The following EYS variants were observed in gnomAD, a reference collection of about 807,000 sequenced individuals.
The protein encoded by EYS is protein eyes shut homolog.
Under a neutral mutation model 282.1 loss-of-function variants are expected in EYS, and 250 were observed. The ratio of observed to expected loss-of-function variants is 0.89; its 90% CI spans 0.80 to 0.98. EYS has a LOEUF of 0.98. EYS is among the 50% of genes least tolerant of loss of function. EYS has a pLI of 0.00. For synonymous variants in EYS, 1,355 were observed against 1,282.9 expected (o/e 1.06, Z -1.20); for missense variants, 4,016 against 3,709.0 (o/e 1.08, Z -2.15).
intron 28 of EYS, among the ~76,000 whole-genome samples, chr6:64,392,569 T>A (rs1347369401): frequency 2.0e-5 from 3 of 151,830 alleles, no homozygotes; most frequent in Non-Finnish European, 4.4e-5. Context: ...AAGATGTTCT[T>A]TGAAACCAAT....
At chr6:64,393,897 C>G (rs926101801) in intron 28 of EYS, among the ~76,000 whole-genome samples, 2 of 151,854 alleles carry the variant, frequency 1.3e-5, no homozygotes, top group South Asian at 2.1e-4. Context: ...TGTCTCAGCC[C>G]AAAATCTCCT....
rs534750982 is a variant in EYS, at chr6:63,865,038, G to A, written c.7056-680C>T. 2.1e-3 allele frequency among the ~76,000 whole-genome samples: 316 copies of A among 152,242 alleles called. 2 individuals are homozygous for A. The highest frequency in any genetic ancestry group is 7.0e-3 in the African/African-American group (291 of 41,550). The stretch of plus-strand genomic sequence containing the variant: ...CCCATTTAAAGTAACAGATGCCTTC[G>A]TTTTCCTTTCCAAGACCCACCCCTC... On this transcript the variant is annotated intron_variant, in intron 35 of 42. Transcript: ENST00000503581.
chr6:64,569,768 CA>C (rs552655432), intron 26 of EYS, among the ~76,000 whole-genome samples: 8 of 151,874 alleles, frequency 5.3e-5, no homozygotes, highest in Non-Finnish European at 1.0e-4. Flanking sequence ...AAGGAACAGA[CA>C]AAGCCTCCAA....
At chr6:65,354,686 G>A (rs190198590) in intron 8 of EYS, among the ~76,000 whole-genome samples, 4 of 152,064 alleles carry the variant, frequency 2.6e-5, no homozygotes, top group African/African-American at 9.6e-5. Context: ...GTGCAGTGGC[G>A]TGCGCCTGTA....
intron 13 of EYS, among the ~76,000 whole-genome samples, chr6:65,004,198 G>A (rs1771561663): frequency 6.8e-6 from 1 of 147,294 alleles, no homozygotes; most frequent in Admixed American, 6.8e-5. Context: ...AAATAAAATT[G>A]CAAAGGTTAA....
intron 22 of EYS, 47 bp downstream of exon 22, chr6:64,813,331 C>G: frequency 7.0e-7 from 1 of 1,430,008 alleles, no homozygotes; most frequent in Non-Finnish European, 9.4e-7. Context: ...TGTTTATAAG[C>G]TCTCCTAAAT....
chr6:64,628,013 G>C (rs1023724166), intron 22 of EYS, among the ~76,000 whole-genome samples: 3 of 152,334 alleles, frequency 2.0e-5, no homozygotes, highest in Admixed American at 6.5e-5. Context: ...CAGGGAGGCG[G>C]AGCTTGCAGT....
chr6:64,503,512 G>A (rs1777118492), intron 26 of EYS, among the ~76,000 whole-genome samples: 1 of 152,160 alleles, frequency 6.6e-6, no homozygotes, highest in African/African-American at 2.4e-5. Flanking sequence ...TAATTTCTCA[G>A]GAAGGGTTTC....
intron 19 of EYS, among the ~76,000 whole-genome samples, chr6:64,840,563 T>A (rs994996367): frequency 6.6e-6 from 1 of 152,138 alleles, no homozygotes; most frequent in South Asian, 2.1e-4. Flanking sequence ...ACTTCGAAAC[T>A]AATGGATAGC....
At chr6:65,663,866 CTT>C (rs66999581) in intron 1 of EYS, among the ~76,000 whole-genome samples, 2,456 of 75,738 alleles carry the variant, frequency 0.032, 27 homozygotes, top group East Asian at 0.073. Context: ...TTTTTCTTTT[CTT>C]TTTTTTTTTT....
intron 30 of EYS, among the ~76,000 whole-genome samples, chr6:64,282,359 C>A (rs576368208): frequency 2.0e-5 from 3 of 152,170 alleles, no homozygotes; most frequent in Non-Finnish European, 4.4e-5. Flanking sequence ...CAACCTTTTG[C>A]GTATTCTTAC....
chr6:64,335,456 G>A (rs1177853620), intron 29 of EYS, among the ~76,000 whole-genome samples: 1 of 152,074 alleles, frequency 6.6e-6, no homozygotes, highest in Non-Finnish European at 1.5e-5. Context: ...CTCTCAAGAT[G>A]TAAAGAAATG....
intron 31 of EYS, among the ~76,000 whole-genome samples, chr6:64,089,427 G>A (rs552077729): frequency 6.7e-6 from 1 of 149,046 alleles, no homozygotes; most frequent in South Asian, 2.1e-4. Flanking sequence ...AATTTTCAGT[G>A]ATTACAATTA....
At chr6:65,406,795 T>C (rs1766763118) in intron 5 of EYS, among the ~76,000 whole-genome samples, 2 of 152,168 alleles carry the variant, frequency 1.3e-5, no homozygotes, top group African/African-American at 2.4e-5. Context: ...GCATATCTAT[T>C]TTTTTCCTGA....
chr6:64,185,294 A>G (rs1272116303), intron 31 of EYS, among the ~76,000 whole-genome samples: 4 of 152,192 alleles, frequency 2.6e-5, no homozygotes, highest in Middle Eastern at 3.2e-3. Flanking sequence ...TTCACTTCTA[A>G]CCCACAGTCA....
intron 22 of EYS, among the ~76,000 whole-genome samples, chr6:64,704,435 TATA>T (rs1770903325): frequency 7.4e-6 from 1 of 135,900 alleles, no homozygotes; most frequent in Admixed American, 7.7e-5. Context: ...ATTTCTATAA[TATA>T]ATCTATATTA....
chr6:63,829,673 G>A (rs1352055765), intron 36 of EYS, among the ~76,000 whole-genome samples: 1 of 152,200 alleles, frequency 6.6e-6, no homozygotes, highest in African/African-American at 2.4e-5. Context: ...AGAAACTTCT[G>A]CAGACTTAAA....
intron 22 of EYS, among the ~76,000 whole-genome samples, chr6:64,746,097 A>T (rs2149965151): frequency 6.6e-6 from 1 of 152,196 alleles, no homozygotes; most frequent in East Asian, 1.9e-4. Flanking sequence ...CCAAATAAAA[A>T]TTTAGAAGTA....
chr6:63,979,524 G>C (rs1270917253), intron 35 of EYS, among the ~76,000 whole-genome samples: 1 of 151,906 alleles, frequency 6.6e-6, no homozygotes, highest in Non-Finnish European at 1.5e-5. Flanking sequence ...ATTATTTACT[G>C]TAATGTCAGT....
Sources: allele counts gnomAD v4.1 joint callset (sites outside exome capture counted in the v4.1 genomes callset), GRCh38; gene constraint gnomAD v4.1.1; transcripts MANE v1.5; gene names NCBI Gene and HGNC (gene_info 2026-07-23, HGNC 2026-07-21).